Variants in MAST4 observed in about 807,000 individuals in gnomAD.
MAST4 encodes the protein microtubule associated serine/threonine kinase family member 4.
MAST4 carries 89 observed loss-of-function variants against 162.7 expected under a neutral mutation model. The ratio of observed to expected loss-of-function variants is 0.55; its 90% CI spans 0.46 to 0.65. The LOEUF (loss-of-function observed/expected upper bound fraction) is 0.65, where lower values mean the gene tolerates loss of function less well. MAST4 is among the 30% of genes least tolerant of loss of function. MAST4 has a pLI of 0.00. For missense variants in MAST4, 3,153 were observed against 3,374.0 expected (o/e 0.93, Z 1.62); for synonymous variants, 1,479 against 1,361.1 (o/e 1.09, Z -1.91).
In MAST4 at chr5:67,163,640, G is replaced by C. The variant is rs1177008455; in HGVS notation, c.4461G>C (p.Gln1487His). The change falls in exon 29 of 29, where the codon CAG becomes CAC. Residue 1487 changes from glutamine (Q) to histidine (H), a missense_variant. Gln to His is a conservative substitution (Grantham distance 24). Coordinates refer to ENST00000403625, the MANE Select transcript of MAST4 (RefSeq NM_001164664.2). The surrounding 1 kb of genome is among the most constrained non-coding windows in gnomAD (Gnocchi z 7.0). ...REQSQREAPL[Q>H]SLDENVCDVP... ...AGTCCCAGCGGGAGGCGCCGCTGCA[G>C]AGCCTGGATGAGAACGTGTGCGACG... 5 of 1,607,342 alleles carry C rather than the reference G, an allele frequency of 3.1e-6. No individual in the cohort carries two copies. Among genetic ancestry groups the C allele is most frequent in the Non-Finnish European group, 3.4e-6 (4 of 1,177,602 alleles).
chr5:66,791,266 C>T (rs369218362), intron 3 of MAST4, among the ~76,000 whole-genome samples: 10 of 152,314 alleles, frequency 6.6e-5, no homozygotes, highest in Admixed American at 2.0e-4. Context: ...TCAGGTGATA[C>T]GCCTGCTTTG....
intron 4 of MAST4, among the ~76,000 whole-genome samples, chr5:66,990,286 TA>T (rs1357155405): frequency 6.6e-6 from 1 of 152,180 alleles, no homozygotes; most frequent in Non-Finnish European, 1.5e-5. Context: ...CTAAGGTACT[TA>T]GAGGTTAAGT....
At chr5:66,876,831 G>T (rs925553769) in intron 3 of MAST4, among the ~76,000 whole-genome samples, 2 of 152,152 alleles carry the variant, frequency 1.3e-5, no homozygotes, top group African/African-American at 4.8e-5. Flanking sequence ...TTGGGTAAAT[G>T]GGGGAATGTC....
intron 4 of MAST4, among the ~76,000 whole-genome samples, chr5:66,959,920 A>T (rs898057975): frequency 1.3e-5 from 2 of 152,154 alleles, no homozygotes; most frequent in Admixed American, 1.3e-4. Flanking sequence ...TAGCTACATG[A>T]ACATGTCCAC....
At chr5:67,124,013 T>A (rs35914675) in intron 14 of MAST4, among the ~76,000 whole-genome samples, 29,281 of 152,128 alleles carry the variant, frequency 0.19, 2,908 homozygotes, top group South Asian at 0.24. Context: ...TCTCAGAATC[T>A]TGCATAATTT....
intron 26 of MAST4, among the ~76,000 whole-genome samples, chr5:67,156,190 G>A (rs1772502896): frequency 6.6e-6 from 1 of 152,140 alleles, no homozygotes; most frequent in Non-Finnish European, 1.5e-5. Context: ...CTTCTGAGGT[G>A]GGTGCTATAA....
chr5:66,749,089 T>C (rs533650170), intron 1 of MAST4, among the ~76,000 whole-genome samples: 13 of 152,114 alleles, frequency 8.5e-5, no homozygotes, highest in Admixed American at 2.0e-4. Context: ...CTGCTGCAGG[T>C]TGTAGCAGAC....
intron 1 of MAST4, among the ~76,000 whole-genome samples, chr5:66,733,095 C>G (rs1466760544): frequency 1.3e-5 from 2 of 152,164 alleles, no homozygotes; most frequent in Non-Finnish European, 2.9e-5. Context: ...GCCACATTCT[C>G]CAGAGCTACC....
intron 2 of MAST4, among the ~76,000 whole-genome samples, chr5:66,778,678 T>TA (rs1291198367): frequency 6.6e-6 from 1 of 152,198 alleles, no homozygotes; most frequent in African/African-American, 2.4e-5. Flanking sequence ...ATGGCAAGAG[T>TA]AACAGGGTGG....
chr5:66,846,522 G>A (rs539129504), intron 3 of MAST4, among the ~76,000 whole-genome samples: 2 of 152,256 alleles, frequency 1.3e-5, no homozygotes, highest in African/African-American at 4.8e-5. Context: ...GTCTATGGAG[G>A]TACAGCTAGT....
At chr5:66,951,700 A>G (rs934546471) in intron 4 of MAST4, among the ~76,000 whole-genome samples, 1 of 130,762 alleles carries the variant, frequency 7.6e-6, no homozygotes, top group African/African-American at 2.8e-5. Context: ...CTCCTTTATA[A>G]CTTTGTGCTT....
In MAST4 at chr5:67,166,195, T is replaced by G. The variant is rs993982639; in HGVS notation, c.7016T>G (p.Val2339Gly). 5.8e-6 allele frequency: 9 copies of G among 1,553,408 alleles called. No individual in the cohort carries two copies. The highest frequency in any genetic ancestry group is 7.0e-6 in the Non-Finnish European group (8 of 1,147,906). ...LSPKHPKPST[V>G]KDCPTLCKQT... ...CCAAAGCACCCCAAACCATCCACTG[T>G]GAAAGATTGCCCCACCCTGTGCAAA... The change falls in exon 29 of 29, where the codon GTG (valine) becomes GGG (glycine). Residue 2339 changes from valine to glycine, a missense_variant. Physicochemically the swap from Val to Gly is moderately radical, Grantham distance 109 (BLOSUM62 -3). This residue lies in a region of MAST4 where 1,644 missense variants were observed against 1,495.0 expected (regional missense o/e 1.10). Transcript: ENST00000403625.
chr5:67,083,736 T>C (rs1205600585), intron 5 of MAST4, among the ~76,000 whole-genome samples: 2 of 152,220 alleles, frequency 1.3e-5, no homozygotes, highest in Non-Finnish European at 2.9e-5. Context: ...TGAAATTGCA[T>C]GATGCTTAGG....
chr5:66,907,853 C>T (rs1287670465), intron 4 of MAST4, among the ~76,000 whole-genome samples: 1 of 151,936 alleles, frequency 6.6e-6, no homozygotes, highest in Non-Finnish European at 1.5e-5. Context: ...GAGTTTAATT[C>T]AAACAAAATA....
At chr5:66,942,207 G>A (rs1743442738) in intron 4 of MAST4, among the ~76,000 whole-genome samples, 1 of 152,074 alleles carries the variant, frequency 6.6e-6, no homozygotes, top group Non-Finnish European at 1.5e-5. Context: ...TTTCTGCAGA[G>A]CACAATAAAA....
intron 4 of MAST4, among the ~76,000 whole-genome samples, chr5:66,961,521 G>A (rs1335620024): frequency 6.6e-6 from 1 of 152,200 alleles, no homozygotes; most frequent in Admixed American, 6.5e-5. Context: ...TCTTAGGTGT[G>A]AGACATCAAA....
chr5:67,117,031 T>C (rs924386962), intron 12 of MAST4, among the ~76,000 whole-genome samples: 1 of 152,216 alleles, frequency 6.6e-6, no homozygotes, highest in African/African-American at 2.4e-5. Context: ...CCTCAGTTAC[T>C]TCCATAAAAA....
intron 4 of MAST4, among the ~76,000 whole-genome samples, chr5:67,024,254 T>G (rs1442611803): frequency 6.6e-6 from 1 of 151,118 alleles, no homozygotes; most frequent in African/African-American, 2.4e-5. Flanking sequence ...TGTTTCTGGC[T>G]GAACAGTATT....
chr5:66,927,695 C>A (rs1765005787), intron 4 of MAST4, among the ~76,000 whole-genome samples: 1 of 152,124 alleles, frequency 6.6e-6, no homozygotes, highest in Non-Finnish European at 1.5e-5. Flanking sequence ...TGTACTGGAC[C>A]CAGGAAGGTG....
Sources: gnomAD v4.1 joint callset for allele counts (sites outside exome capture counted in the v4.1 genomes callset) on GRCh38, gnomAD v4.1.1 for gene constraint, gnomAD v4.1.1 regional missense constraint, Gnocchi (gnomAD v3.1) non-coding constraint, MANE v1.5 for transcripts, NCBI Gene and HGNC (gene_info 2026-07-23, HGNC 2026-07-21) for gene names.